Variants in FRMD5 observed in about 807,000 individuals in gnomAD.
FRMD5 encodes FERM domain-containing protein 5.
FRMD5 carries 20 observed loss-of-function variants against 69.0 expected under a neutral mutation model. The observed-to-expected ratio is 0.29, with a 90% CI of 0.20 to 0.42. The LOEUF (loss-of-function observed/expected upper bound fraction) is 0.42, where lower values mean the gene tolerates loss of function less well. FRMD5 is among the 10% of genes least tolerant of loss of function. The pLI is 1.00. For synonymous variants in FRMD5, 271 were observed against 260.1 expected, an observed-to-expected ratio of 1.04 and a Z score of -0.40; for missense variants, 595 against 708.6, an observed-to-expected ratio of 0.84 and a Z score of 1.82.
chr15:44,120,758 G>A (rs1488931249), intron 1 of FRMD5, among the ~76,000 whole-genome samples: 1 of 151,314 alleles, frequency 6.6e-6, no homozygotes, highest in African/African-American at 2.4e-5. Context: ...TTGATCTCCT[G>A]ACCTCGTGAT....
chr15:44,134,941 G>C (rs545010912), intron 1 of FRMD5, among the ~76,000 whole-genome samples: 10 of 152,262 alleles, frequency 6.6e-5, no homozygotes, highest in African/African-American at 2.4e-4. Context: ...CTAGAATGGA[G>C]GGAACAAGGA....
rs565595798 is a variant in FRMD5 at position 43,934,869 on chromosome 15, C to T, written c.103-10560G>A. 7.8e-4 allele frequency among the ~76,000 whole-genome samples: 118 copies of T among 152,246 alleles called. 1 individual carries two copies. Among genetic ancestry groups the T allele is most frequent in the Non-Finnish European group, 1.4e-3 (96 of 68,016 alleles). ...GATTTCTATATGCGAGGGCTTTAGG[C>T]GTGACAGTCTGGCTGGGGTGAGGGT... is the stretch of plus-strand genomic sequence containing the variant. On this transcript the variant is annotated intron_variant, in intron 1 of 13. Transcript: ENST00000417257.
chr15:43,999,923 GTATATATATATATATATATA>G (rs57166959), intron 1 of FRMD5, among the ~76,000 whole-genome samples: 1 of 58,266 alleles, frequency 1.7e-5, no homozygotes, highest in African/African-American at 7.8e-5. Flanking sequence ...GTGTGTGTAT[GTATATATATATATATATATA>G]TATGCCATGC....
At chr15:43,944,362 C>T (rs1420955577) in intron 1 of FRMD5, among the ~76,000 whole-genome samples, 1 of 152,218 alleles carries the variant, frequency 6.6e-6, no homozygotes, top group Non-Finnish European at 1.5e-5. Context: ...AATCTATTAA[C>T]GCATTAAGCC....
At chr15:43,937,613 C>T (rs1415314836) in intron 1 of FRMD5, among the ~76,000 whole-genome samples, 1 of 149,034 alleles carries the variant, frequency 6.7e-6, no homozygotes, top group Non-Finnish European at 1.5e-5. Flanking sequence ...ACTCTGCACT[C>T]CAGCCTGGGT....
chr15:44,189,136 A>G (rs2078151957), intron 1 of FRMD5, among the ~76,000 whole-genome samples: 2 of 152,162 alleles, frequency 1.3e-5, no homozygotes, highest in Admixed American at 6.5e-5. Flanking sequence ...TAGCAGGCAA[A>G]AGCCTGGGGA....
At chr15:44,178,550 T>C (rs990209334) in intron 1 of FRMD5, among the ~76,000 whole-genome samples, 1 of 152,142 alleles carries the variant, frequency 6.6e-6, no homozygotes, top group Admixed American at 6.5e-5. Flanking sequence ...ATATGGACCA[T>C]GGCAGAATTC....
At chr15:44,014,230 T>C (rs1890854093) in intron 1 of FRMD5, among the ~76,000 whole-genome samples, 2 of 151,908 alleles carry the variant, frequency 1.3e-5, no homozygotes, top group Admixed American at 6.6e-5. Context: ...GCAGCTGTGA[T>C]GGGGGGAAAA....
At chr15:43,961,333 A>T (rs1009882004) in intron 1 of FRMD5, among the ~76,000 whole-genome samples, 2 of 152,136 alleles carry the variant, frequency 1.3e-5, no homozygotes, top group Non-Finnish European at 2.9e-5. Context: ...CGACACATAC[A>T]CTCTCCCAAG....
At chr15:44,187,786 C>T (rs2078127137) in intron 1 of FRMD5, among the ~76,000 whole-genome samples, 1 of 152,146 alleles carries the variant, frequency 6.6e-6, no homozygotes, top group Non-Finnish European at 1.5e-5. Context: ...CCAGGATAGA[C>T]TCAAACTCCT....
chr15:44,114,852 T>C (rs979114685), intron 1 of FRMD5, among the ~76,000 whole-genome samples: 5 of 151,942 alleles, frequency 3.3e-5, no homozygotes, highest in African/African-American at 1.2e-4. Context: ...GCTTGAGAGA[T>C]TATAAAGAAT....
At chr15:43,883,518 C>T (rs1202015103) in intron 13 of FRMD5, among the ~76,000 whole-genome samples, 185 bp downstream of exon 13, 3 of 152,232 alleles carry the variant, frequency 2.0e-5, no homozygotes, top group African/African-American at 7.2e-5. Flanking sequence ...TGCTTAGATA[C>T]CCACACCCCT....
chr15:44,182,643 A>G (rs1393267231), intron 1 of FRMD5, among the ~76,000 whole-genome samples: 1 of 151,956 alleles, frequency 6.6e-6, no homozygotes. Flanking sequence ...ATTATTTAAT[A>G]ATCATTTTTT....
intron 1 of FRMD5, among the ~76,000 whole-genome samples, chr15:44,073,862 G>A (rs145713748): frequency 6.6e-6 from 1 of 152,246 alleles, no homozygotes; most frequent in Non-Finnish European, 1.5e-5. Context: ...GGTATGAACT[G>A]TGAGTTAGAT....
intron 13 of FRMD5, among the ~76,000 whole-genome samples, chr15:43,882,567 C>G (rs2088559313): frequency 6.6e-6 from 1 of 152,120 alleles, no homozygotes; most frequent in Non-Finnish European, 1.5e-5. Context: ...CCATGTTGGC[C>G]AGGCTGGTCT....
At chr15:43,919,112 C>T (rs1419751685) in intron 4 of FRMD5, 3 of 384,726 alleles carry the variant, frequency 7.8e-6, no homozygotes, top group East Asian at 6.8e-5. Flanking sequence ...TTGCAACCTC[C>T]GAAATAAGCA....
At chr15:44,009,890 G>A (rs930763335) in intron 1 of FRMD5, among the ~76,000 whole-genome samples, 3 of 152,090 alleles carry the variant, frequency 2.0e-5, no homozygotes, top group African/African-American at 7.2e-5. Context: ...AAGTAAGAAT[G>A]GAGACAGAAA....
intron 1 of FRMD5, among the ~76,000 whole-genome samples, chr15:43,941,755 CG>C (rs775842225): frequency 2.0e-5 from 3 of 151,946 alleles, no homozygotes; most frequent in African/African-American, 7.3e-5. Flanking sequence ...AAACTAAGGG[CG>C]GGGGGGCGTT....
chr15:44,104,983 T>C (rs1409648409), intron 1 of FRMD5, among the ~76,000 whole-genome samples: 3 of 152,128 alleles, frequency 2.0e-5, no homozygotes, highest in Non-Finnish European at 4.4e-5. Context: ...CTGACAGATA[T>C]TTGGGTTACT....
Sources: allele counts gnomAD v4.1 joint callset (sites outside exome capture counted in the v4.1 genomes callset), GRCh38; gene constraint gnomAD v4.1.1; transcripts MANE v1.5; gene names NCBI Gene and HGNC (gene_info 2026-07-23, HGNC 2026-07-21).